PRKCH: variants seen among roughly 807,000 people sequenced by gnomAD.
The protein encoded by PRKCH is protein kinase C eta.
PRKCH carries 28 observed loss-of-function variants against 82.5 expected under a neutral mutation model. The observed-to-expected ratio is 0.34, with a 90% CI of 0.25 to 0.47. PRKCH has a LOEUF of 0.47. Ranked by LOEUF, PRKCH falls within the 20% of genes least tolerant of loss-of-function variation. The pLI is 1.00. For missense variants in PRKCH, 705 were observed against 881.8 expected (o/e 0.80, Z 2.54); for synonymous variants, 322 against 327.4 (o/e 0.98, Z 0.18).
chr14:61,300,844 G>A (rs950722172), intron 1 of PRKCH, among the ~76,000 whole-genome samples: 3 of 152,154 alleles, frequency 2.0e-5, no homozygotes, highest in African/African-American at 7.2e-5. Context: ...TGTCAACCTT[G>A]TGAATGGTAA....
At chr14:61,344,680 TGA>T (rs1286366257) in intron 1 of PRKCH, among the ~76,000 whole-genome samples, 4 of 152,096 alleles carry the variant, frequency 2.6e-5, no homozygotes, top group Admixed American at 2.6e-4. Context: ...TGCCTGTGAC[TGA>T]GAGTGGCAGA....
At chr14:61,391,726 T>G (rs528569324) in intron 2 of PRKCH, among the ~76,000 whole-genome samples, 1 of 152,250 alleles carries the variant, frequency 6.6e-6, no homozygotes, top group Non-Finnish European at 1.5e-5. Flanking sequence ...TCTTCATCTG[T>G]GGCTACCGTA....
chr14:61,272,979 G>T (rs2045171514), intron 1 of PRKCH, among the ~76,000 whole-genome samples: 2 of 152,112 alleles, frequency 1.3e-5, no homozygotes, highest in African/African-American at 4.8e-5. Context: ...TCAGAGGAAA[G>T]TTTAACATAA....
intron 9 of PRKCH, among the ~76,000 whole-genome samples, chr14:61,484,851 C>G (rs1246566187): frequency 6.7e-6 from 1 of 149,768 alleles, no homozygotes; most frequent in Non-Finnish European, 1.5e-5. Context: ...TCATTGCAGC[C>G]TTTACTTCCC....
chr14:61,189,533 C>A (rs1390120561), intron 1 of PRKCH, among the ~76,000 whole-genome samples: 2 of 151,950 alleles, frequency 1.3e-5, no homozygotes, highest in Non-Finnish European at 2.9e-5. Flanking sequence ...CCCTTCCTCT[C>A]TCTCTTGCTT....
rs886732932 is a variant in PRKCH at position 61,294,689 on chromosome 14, C to T, written c.-19+107021C>T. ...AAGATATCAATAATACACTGAAGAC[C>T]GAATAAAAAGTCATTGAATATTATG... is the stretch of plus-strand genomic sequence containing the variant. On this transcript the variant is annotated intron_variant, in intron 1 of 3. Transcript: ENST00000555185. 5.9e-5 allele frequency among the ~76,000 whole-genome samples: 9 copies of T among 151,640 alleles called. No homozygotes were observed. In the Middle Eastern group the frequency reaches 0.01, roughly 172 times the overall value.
At chr14:61,534,575 T>A (rs965580719) in intron 12 of PRKCH, among the ~76,000 whole-genome samples, 1 of 152,218 alleles carries the variant, frequency 6.6e-6, no homozygotes, top group Admixed American at 6.5e-5. Context: ...TCATGAGTGC[T>A]AAGTTTTGAA....
intron 1 of PRKCH, among the ~76,000 whole-genome samples, chr14:61,387,034 G>A (rs530046576): frequency 1.2e-3 from 184 of 152,316 alleles, no homozygotes; most frequent in Non-Finnish European, 1.9e-3. Context: ...TCCCCTCTTT[G>A]TTGGCTTCAT....
chr14:61,238,710 T>G (rs1196771861), intron 1 of PRKCH, among the ~76,000 whole-genome samples: 2 of 152,012 alleles, frequency 1.3e-5, no homozygotes, highest in African/African-American at 4.8e-5. Flanking sequence ...CATTTAAAAA[T>G]GTCCACCTTC....
intron 1 of PRKCH, among the ~76,000 whole-genome samples, chr14:61,243,737 T>A (rs1011352200): frequency 6.6e-6 from 1 of 152,202 alleles, no homozygotes; most frequent in Admixed American, 6.5e-5. Flanking sequence ...TTCTTGGATT[T>A]GGATTTTCAA....
intron 9 of PRKCH, among the ~76,000 whole-genome samples, chr14:61,483,289 A>T (rs1199637675): frequency 6.6e-6 from 1 of 152,198 alleles, no homozygotes; most frequent in African/African-American, 2.4e-5. Flanking sequence ...CATTTAGAAA[A>T]TACAGGACAG....
At chr14:61,416,546 C>CAT (rs1420806683) in intron 2 of PRKCH, among the ~76,000 whole-genome samples, 1 of 152,090 alleles carries the variant, frequency 6.6e-6, no homozygotes, top group African/African-American at 2.4e-5. Flanking sequence ...ATCTCCTTGG[C>CAT]ATATATCTCC....
chr14:61,497,592 C>T (rs977163635), intron 10 of PRKCH, among the ~76,000 whole-genome samples: 7 of 152,134 alleles, frequency 4.6e-5, no homozygotes, highest in African/African-American at 1.4e-4. Flanking sequence ...CTATATGGAA[C>T]ATTTCTGTCA....
Position 61,312,463 on chromosome 14 carries a change from A to C in PRKCH, c.-19+124795A>C, listed in dbSNP as rs185537621. 8.5e-5 allele frequency among the ~76,000 whole-genome samples: 13 copies of C among 152,350 alleles called. No homozygotes were observed. In the East Asian group the frequency reaches 2.3e-3, roughly 27 times the overall value. ...ACAATGGCTACTCTAGTAAATAGCTATGGCTACATCCTGGTAAAATAGTCA... is the reference window on the plus strand; with the variant it reads ...ACAATGGCTACTCTAGTAAATAGCTCTGGCTACATCCTGGTAAAATAGTCA... On this transcript the variant is annotated intron_variant, in intron 1 of 3. Coordinates refer to the PRKCH transcript ENST00000555185.
chr14:61,416,503 A>G (rs151298724), intron 2 of PRKCH, among the ~76,000 whole-genome samples: 1 of 152,234 alleles, frequency 6.6e-6, no homozygotes, highest in East Asian at 1.9e-4. Context: ...GATTTTGTTT[A>G]TGTTGAAAAC....
chr14:61,327,742 T>C (rs2045717265), intron 1 of PRKCH, among the ~76,000 whole-genome samples: 1 of 152,244 alleles, frequency 6.6e-6, no homozygotes, highest in African/African-American at 2.4e-5. Flanking sequence ...CCTCTCTTAT[T>C]CACTGTCCTA....
chr14:61,502,084 C>G (rs1886943200), intron 10 of PRKCH, among the ~76,000 whole-genome samples: 1 of 46,360 alleles, frequency 2.2e-5, no homozygotes, highest in East Asian at 6.1e-4. Flanking sequence ...TTTTTTTTTC[C>G]GAGATGGAGT....
In PRKCH at chr14:61,280,320, G is replaced by C; in HGVS notation, c.-19+92652G>C. The C allele has an allele frequency of 6.2e-7, 1 of 1,613,874 alleles. No individual in the cohort carries two copies. The highest frequency in any genetic ancestry group is 8.5e-7 in the Non-Finnish European group (1 of 1,179,958). ...CGCGGTAGGCGCCCCGCGGCAGCCC[G>C]GCCGAGTAGTTGCCCTGGCGGATGC... On this transcript the variant is annotated intron_variant, in intron 1 of 3. Coordinates refer to the PRKCH transcript ENST00000555185. The surrounding 1 kb of genome is among the most constrained non-coding windows in gnomAD (Gnocchi z 5.0).
chr14:61,202,151 C>T (rs1336322021), intron 1 of PRKCH, among the ~76,000 whole-genome samples: 2 of 152,220 alleles, frequency 1.3e-5, no homozygotes, highest in Admixed American at 6.5e-5. Flanking sequence ...CCCCAGGGGG[C>T]TCTGGGTAAA....
Sources: gnomAD v4.1 joint callset for allele counts (sites outside exome capture counted in the v4.1 genomes callset) on GRCh38, gnomAD v4.1.1 for gene constraint, Gnocchi (gnomAD v3.1) non-coding constraint, MANE v1.5 for transcripts, NCBI Gene and HGNC (gene_info 2026-07-23, HGNC 2026-07-21) for gene names.